The following FNDC8 variants were observed in gnomAD, a reference collection of about 807,000 sequenced individuals.
FNDC8 encodes fibronectin type III domain-containing protein 8.
In FNDC8, 23 loss-of-function variants were observed where a neutral mutation model predicts 24.8. The observed-to-expected ratio is 0.93, with a 90% CI of 0.67 to 1.31. The LOEUF is 1.31. Ranked by LOEUF, FNDC8 falls within the 40% of genes most tolerant of loss-of-function variation. FNDC8 has a pLI of 0.00. For missense variants in FNDC8, 371 were observed against 398.2 expected (o/e 0.93, Z 0.58); for synonymous variants, 158 against 165.3 (o/e 0.96, Z 0.34).
chr17:35,123,670 G>A (rs1367397431), intron 1 of FNDC8, among the ~76,000 whole-genome samples: 1 of 152,080 alleles, frequency 6.6e-6, no homozygotes, highest in African/African-American at 2.4e-5. Context: ...CCTGGGAGGT[G>A]GAGGTCGCAG....
intron 1 of FNDC8, among the ~76,000 whole-genome samples, chr17:35,123,105 C>G (rs1432882900): frequency 2.0e-5 from 3 of 152,148 alleles, no homozygotes; most frequent in Non-Finnish European, 1.5e-5. Context: ...GGTCACCCAC[C>G]ACATGGGTGA....
At position 35,127,283 on chromosome 17, in the gene FNDC8, A is replaced by AG; in HGVS notation, c.455dup (p.Leu153ProfsTer5). On this transcript the variant is annotated frameshift_variant, in exon 2 of 4. Coordinates refer to ENST00000158009, the MANE Select transcript of FNDC8 (RefSeq NM_017559.4). LOFTEE classifies it high-confidence loss of function. Reference sequence around the variant, plus strand: ...CCCATCGAAGTCCCAGATGGCCACAAGGGGCCTGCTGGACCTTGACAACCC... The same window carrying AG: ...CCCATCGAAGTCCCAGATGGCCACAAGGGGGCCTGCTGGACCTTGACAACCC... The AG allele has an allele frequency of 6.2e-7, 1 of 1,614,066 alleles. No homozygotes were observed. Among genetic ancestry groups the AG allele is most frequent in the Non-Finnish European group, 8.5e-7 (1 of 1,179,962 alleles).
chr17:35,124,956 G>A (rs1257119957), intron 1 of FNDC8, among the ~76,000 whole-genome samples: 3 of 151,146 alleles, frequency 2.0e-5, no homozygotes, highest in Non-Finnish European at 4.4e-5. Flanking sequence ...GCTGAGGCAC[G>A]AGAATCGCTT....
chr17:35,128,595 G>A (rs554798750), intron 2 of FNDC8, among the ~76,000 whole-genome samples: 1 of 152,084 alleles, frequency 6.6e-6, no homozygotes, highest in Admixed American at 6.5e-5. Flanking sequence ...GCCCTCTCTG[G>A]ACCTAGTCGA....
chr17:35,130,000 C>G, intron 3 of FNDC8: 1 of 1,378,704 alleles, frequency 7.3e-7, no homozygotes, highest in Non-Finnish European at 9.4e-7. Flanking sequence ...AGACAAGAGG[C>G]TAAAGGGGGA....
At chr17:35,124,403 T>C (rs2091841285) in intron 1 of FNDC8, among the ~76,000 whole-genome samples, 1 of 152,158 alleles carries the variant, frequency 6.6e-6, no homozygotes. Context: ...TGGCCGCACC[T>C]GTAGTCCCAG....
intron 2 of FNDC8, among the ~76,000 whole-genome samples, chr17:35,127,875 GC>G (rs34543925): frequency 0.014 from 2,070 of 152,302 alleles, 43 homozygotes; most frequent in African/African-American, 0.047. Flanking sequence ...ATCGAGTGAG[GC>G]TACTCAGAAT....
rs145532408 is a variant in FNDC8, at chr17:35,127,005, C to T, written c.210-37C>T. 1,848 of 1,543,900 alleles carry T rather than the reference C, an allele frequency of 1.2e-3. 22 individuals are homozygous for T. In the African/African-American group the frequency reaches 0.022, roughly 18 times the overall value. On this transcript the variant is annotated intron_variant, in intron 1 of 3. Transcript: ENST00000158009. Reference sequence around the variant, plus strand: ...CAGGTGGAACGGGCTGGGGTGGCCTCCTTCATCTGATTCACCTGTCTCCCC... The same window carrying T: ...CAGGTGGAACGGGCTGGGGTGGCCTTCTTCATCTGATTCACCTGTCTCCCC...
chr17:35,126,978 C>A, intron 1 of FNDC8, 64 bp from the exon 2 acceptor site: 28 of 1,520,700 alleles, frequency 1.8e-5, no homozygotes, highest in Non-Finnish European at 2.4e-5. Context: ...AAGGCCTGCC[C>A]TCAGGTGGAA....
At chr17:35,127,547 G>C in intron 2 of FNDC8, 130 bp downstream of exon 2, 1 of 1,159,442 alleles carries the variant, frequency 8.6e-7, no homozygotes, top group East Asian at 2.5e-5. Context: ...GAAGGGAGAG[G>C]ATGTGTCTGT....
In FNDC8 at chr17:35,129,670, G is replaced by GA; in HGVS notation, c.822+16dup. On this transcript the variant is annotated intron_variant, in intron 3 of 3. Transcript: ENST00000158009. ...GCAAGCCCTACAAAGTGAGCCCTGG[G>GA]AAAAGAGGGGCCTTGGGGGTGGAGA... 1 of 1,611,936 alleles carries GA rather than the reference G, an allele frequency of 6.2e-7. No homozygotes were observed. The highest frequency in any genetic ancestry group is 8.5e-7 in the Non-Finnish European group (1 of 1,179,244).
At chr17:35,122,084 A>G (rs1414169261) in intron 1 of FNDC8, among the ~76,000 whole-genome samples, 182 bp downstream of exon 1, 1 of 124,464 alleles carries the variant, frequency 8.0e-6, no homozygotes, top group South Asian at 2.7e-4. Flanking sequence ...TCTTGAGCTC[A>G]AGTGATCTTC....
chr17:35,129,340 G>C, intron 2 of FNDC8, 82 bp from the exon 3 acceptor site: 3 of 1,546,066 alleles, frequency 1.9e-6, no homozygotes, highest in Non-Finnish European at 1.8e-6. Flanking sequence ...GGCATGGGAC[G>C]TCCTGACCCC....
chr17:35,126,774 A>G (rs1392528143), intron 1 of FNDC8, among the ~76,000 whole-genome samples: 1 of 152,248 alleles, frequency 6.6e-6, no homozygotes, highest in Non-Finnish European at 1.5e-5. Context: ...TGCTGGGATT[A>G]TAGGCGTGAG....
intron 1 of FNDC8, among the ~76,000 whole-genome samples, chr17:35,125,094 T>G (rs1279508391): frequency 6.7e-6 from 1 of 149,952 alleles, no homozygotes; most frequent in African/African-American, 2.5e-5. Flanking sequence ...AAAAGAAATG[T>G]TAAGTGGTGG....
At chr17:35,123,258 A>G (rs944029255) in intron 1 of FNDC8, among the ~76,000 whole-genome samples, 1 of 152,260 alleles carries the variant, frequency 6.6e-6, no homozygotes, top group Admixed American at 6.5e-5. Context: ...CACAGACTAC[A>G]TAGCTGGTCT....
Position 35,127,279 on chromosome 17 carries a change from C to T in FNDC8, c.447C>T (p.Ala149=), listed in dbSNP as rs905726697. The T allele has an allele frequency of 3.1e-6, 5 of 1,614,094 alleles. No individual in the cohort carries two copies. The highest frequency in any genetic ancestry group is 3.3e-4 in the Middle Eastern group (2 of 6,058). Residue 149 remains alanine, a synonymous_variant, in exon 2 of 4, where the codon GCC becomes GCT. Coordinates refer to ENST00000158009, the MANE Select transcript of FNDC8 (RefSeq NM_017559.4). The stretch of plus-strand genomic sequence containing the variant: ...CATGCCCATCGAAGTCCCAGATGGC[C>T]ACAAGGGGCCTGCTGGACCTTGACA... ...PCPCPSKSQM[A]TRGLLDLDNP...
chr17:35,122,053 C>T (rs1383633510), intron 1 of FNDC8, 151 bp downstream of exon 1: 11 of 614,146 alleles, frequency 1.8e-5, no homozygotes, highest in Admixed American at 2.9e-5. Context: ...GGTGCAATCT[C>T]GGCTCACTGC....
intron 3 of FNDC8, 26 bp downstream of exon 3, chr17:35,129,684 T>TG: frequency 6.2e-7 from 1 of 1,607,444 alleles, no homozygotes; most frequent in Non-Finnish European, 8.5e-7. Context: ...AGAGGGGCCT[T>TG]GGGGGTGGAG....
Sources: allele counts gnomAD v4.1 joint callset (sites outside exome capture counted in the v4.1 genomes callset), GRCh38; gene constraint gnomAD v4.1.1; transcripts MANE v1.5; gene names NCBI Gene and HGNC (gene_info 2026-07-23, HGNC 2026-07-21).